TMEM132D: variants seen among roughly 807,000 people sequenced by gnomAD.
TMEM132D encodes the protein transmembrane protein 132D, also known as mature OL transmembrane protein.
A neutral mutation model predicts 62.3 loss-of-function variants in TMEM132D; 21 were observed. The ratio of observed to expected loss-of-function variants is 0.34; its 90% CI spans 0.24 to 0.49. The LOEUF (loss-of-function observed/expected upper bound fraction) is 0.49. TMEM132D is among the 20% of genes least tolerant of loss of function. The probability of loss-of-function intolerance (pLI) is 0.99; values close to 1 mark genes in which losing one functional copy is unlikely to be tolerated. For missense variants in TMEM132D, 1,346 were observed against 1,402.8 expected, an observed-to-expected ratio of 0.96 and a Z score of 0.65; for synonymous variants, 621 against 575.6, an observed-to-expected ratio of 1.08 and a Z score of -1.13.
At chr12:129,321,495 C>T (rs1468041041) in intron 4 of TMEM132D, among the ~76,000 whole-genome samples, 1 of 152,164 alleles carries the variant, frequency 6.6e-6, no homozygotes, top group Non-Finnish European at 1.5e-5. Flanking sequence ...CTCTGCTTTG[C>T]CATCCTCCAT....
chr12:129,730,529 A>C (rs576846695), intron 1 of TMEM132D, among the ~76,000 whole-genome samples: 2 of 152,198 alleles, frequency 1.3e-5, no homozygotes, highest in African/African-American at 4.8e-5. Flanking sequence ...TCACTCATTC[A>C]TTTATTCACT....
In TMEM132D at chr12:129,513,829, TTTA is replaced by T. The variant is rs930696600; in HGVS notation, c.1115+17227_1115+17229del. ...TTTTATTTATTTATTTATTTATTTA[TTTA>T]TTTATTTATTTATTTATTTTTTTGA... On this transcript the variant is annotated intron_variant, in intron 3 of 8. Coordinates refer to ENST00000422113, the MANE Select transcript of TMEM132D (RefSeq NM_133448.3). Among the ~76,000 whole-genome samples, 6 of 137,290 alleles carry T rather than the reference TTTA, an allele frequency of 4.4e-5. No individual in the cohort carries two copies. In the East Asian group the frequency reaches 1.4e-3, roughly 32 times the overall value. The allele number at this position is 137,290 out of a possible 152,430, so 90.1% of individuals were successfully genotyped here. A position where few individuals can be genotyped will look rare whatever the true frequency, so the allele number is the denominator to read the frequency against.
intron 1 of TMEM132D, among the ~76,000 whole-genome samples, chr12:129,706,797 G>C (rs942035652): frequency 6.6e-6 from 1 of 151,654 alleles, no homozygotes; most frequent in Non-Finnish European, 1.5e-5. Flanking sequence ...TAAAAACTAT[G>C]AATTTATATT....
chr12:129,156,338 A>C (rs1877244910), intron 5 of TMEM132D, among the ~76,000 whole-genome samples: 1 of 151,978 alleles, frequency 6.6e-6, no homozygotes, highest in Non-Finnish European at 1.5e-5. Context: ...TACTCCCATG[A>C]TAACCAACTC....
rs1870541616 is a variant in TMEM132D, at chr12:129,766,025, A to T, written c.80-65327T>A. Among the ~76,000 whole-genome samples, 3 of 152,072 alleles carry T rather than the reference A, an allele frequency of 2.0e-5. No homozygotes were observed. The East Asian group carries it at 5.8e-4, about 29-fold the overall frequency. On this transcript the variant is annotated intron_variant, in intron 1 of 8. Coordinates refer to ENST00000422113, the MANE Select transcript of TMEM132D (RefSeq NM_133448.3). ...GCCCTTGGACTTGTTCTGGACAATG[A>T]GGCGGAGGCAGAAGTGCCCTGTGTG...
chr12:129,222,923 G>A (rs1371834598), intron 4 of TMEM132D, among the ~76,000 whole-genome samples: 5 of 149,942 alleles, frequency 3.3e-5, no homozygotes, highest in African/African-American at 1.2e-4. Flanking sequence ...ACCAAAAAAA[G>A]GTAACTCTGG....
chr12:129,898,645 T>A (rs1475669891), intron 1 of TMEM132D, among the ~76,000 whole-genome samples: 1 of 152,240 alleles, frequency 6.6e-6, no homozygotes, highest in Non-Finnish European at 1.5e-5. Context: ...ATTATCTGCA[T>A]CCAGAGACAC....
intron 2 of TMEM132D, among the ~76,000 whole-genome samples, chr12:129,573,696 G>T (rs188734215): frequency 1.8e-3 from 278 of 152,082 alleles, no homozygotes; most frequent in Non-Finnish European, 3.3e-3. Flanking sequence ...AAAAGCCCAC[G>T]TGTCCACCAA....
chr12:129,549,857 G>A (rs1315766967), intron 2 of TMEM132D, among the ~76,000 whole-genome samples: 2 of 152,180 alleles, frequency 1.3e-5, no homozygotes, highest in East Asian at 3.9e-4. Flanking sequence ...GTTAGCTCAT[G>A]CCCTTGCTGA....
chr12:129,722,473 G>T lies in TMEM132D; in HGVS notation c.80-21775C>A, dbSNP rs7302188. On this transcript the variant is annotated intron_variant, in intron 1 of 8. Coordinates refer to ENST00000422113, the MANE Select transcript of TMEM132D (RefSeq NM_133448.3). The stretch of plus-strand genomic sequence containing the variant: ...AAGATGGGAGAAGGCGAAGAACACT[G>T]AACATCTTCTTGGAGATTACAGAAA... 6.8e-3 allele frequency among the ~76,000 whole-genome samples: 1,032 copies of T among 152,264 alleles called. 8 individuals carry two copies. The highest frequency in any genetic ancestry group is 7.9e-3 in the Non-Finnish European group (536 of 68,034).
At chr12:129,885,722 A>G (rs1489025463) in intron 1 of TMEM132D, among the ~76,000 whole-genome samples, 1 of 152,244 alleles carries the variant, frequency 6.6e-6, no homozygotes, top group East Asian at 1.9e-4. Context: ...CTAAGGATGA[A>G]GTTTCTAGTG....
chr12:129,695,557 C>T (rs562732708), intron 2 of TMEM132D, among the ~76,000 whole-genome samples: 32 of 152,364 alleles, frequency 2.1e-4, no homozygotes, highest in Non-Finnish European at 3.5e-4. Flanking sequence ...AATTTGAATA[C>T]ACCAACATCT....
At chr12:129,311,658 T>C (rs984794973) in intron 4 of TMEM132D, among the ~76,000 whole-genome samples, 1 of 152,112 alleles carries the variant, frequency 6.6e-6, no homozygotes, top group East Asian at 1.9e-4. Flanking sequence ...AATACAATGT[T>C]GTGAAGAAGT....
At chr12:129,532,004 T>C (rs1409124985) in intron 2 of TMEM132D, among the ~76,000 whole-genome samples, 1 of 152,032 alleles carries the variant, frequency 6.6e-6, no homozygotes, top group Non-Finnish European at 1.5e-5. Flanking sequence ...TGCAGTGAGC[T>C]GAGATCGACC....
chr12:129,434,937 AT>A (rs1872749760), intron 3 of TMEM132D, among the ~76,000 whole-genome samples: 1 of 152,092 alleles, frequency 6.6e-6, no homozygotes, highest in Non-Finnish European at 1.5e-5. Flanking sequence ...GTAACTTTGT[AT>A]TCATGGCCCA....
intron 3 of TMEM132D, among the ~76,000 whole-genome samples, chr12:129,486,003 G>A (rs905480700): frequency 1.4e-4 from 22 of 152,230 alleles, no homozygotes; most frequent in Non-Finnish European, 2.6e-4. Context: ...GTCCAACAGC[G>A]AGAGCTGCTT....
chr12:129,561,841 C>T (rs1877242781), intron 2 of TMEM132D, among the ~76,000 whole-genome samples: 1 of 152,102 alleles, frequency 6.6e-6, no homozygotes, highest in African/African-American at 2.4e-5. Context: ...ATTTAATTAT[C>T]AAAAGGGCAG....
chr12:129,479,553 A>G (rs1874372852), intron 3 of TMEM132D, among the ~76,000 whole-genome samples: 3 of 152,218 alleles, frequency 2.0e-5, no homozygotes, highest in South Asian at 4.1e-4. Context: ...ATAAAAACCA[A>G]TGCCTGTCCT....
intron 2 of TMEM132D, among the ~76,000 whole-genome samples, chr12:129,611,924 A>C (rs1878785101): frequency 6.6e-6 from 1 of 152,136 alleles, no homozygotes; most frequent in Non-Finnish European, 1.5e-5. Context: ...GTTCCCACTA[A>C]GAGAAACATC....
Sources: gnomAD v4.1 joint callset for allele counts (sites outside exome capture counted in the v4.1 genomes callset) on GRCh38, gnomAD v4.1.1 for gene constraint, MANE v1.5 for transcripts, NCBI Gene and HGNC (gene_info 2026-07-23, HGNC 2026-07-21) for gene names.